Variants in NRXN1 observed in about 807,000 individuals in gnomAD.
NRXN1 encodes neurexin 1.
NRXN1 carries 39 observed loss-of-function variants against 150.9 expected under a neutral mutation model. That is an observed-to-expected ratio of 0.26 (90% CI 0.20 to 0.34). The LOEUF (loss-of-function observed/expected upper bound fraction) is 0.34. NRXN1 is among the 10% of genes least tolerant of loss of function. The pLI is 1.00. For missense variants in NRXN1, 1,815 were observed against 1,949.9 expected, an observed-to-expected ratio of 0.93 and a Z score of 1.30; for synonymous variants, 924 against 757.0, an observed-to-expected ratio of 1.22 and a Z score of -3.62.
Position 50,046,284 on chromosome 2 carries a change from C to T in NRXN1, c.4128+6987G>A, listed in dbSNP as rs1327985214. On this transcript the variant is annotated intron_variant, in intron 21 of 22. Coordinates refer to ENST00000401669, the MANE Select transcript of NRXN1 (RefSeq NM_001330078.2). ...CTCTCTTTGTGTTATTACCTGCCCT[C>T]CACTGCCGCTTGCTTCCCATACATA... Among the ~76,000 whole-genome samples the T allele has an allele frequency of 3.3e-5, 5 of 152,286 alleles. No homozygotes were observed. The East Asian group carries it at 5.8e-4, about 18-fold the overall frequency.
At chr2:50,123,262 A>G (rs891244847) in intron 18 of NRXN1, among the ~76,000 whole-genome samples, 2 of 152,210 alleles carry the variant, frequency 1.3e-5, no homozygotes, top group Non-Finnish European at 2.9e-5. Flanking sequence ...GGTGGCACTG[A>G]AAGAGTGGAC....
At chr2:50,112,020 GT>G (rs111618895) in intron 18 of NRXN1, among the ~76,000 whole-genome samples, 2,025 of 147,502 alleles carry the variant, frequency 0.014, 40 homozygotes, top group African/African-American at 0.045. Flanking sequence ...AATTGTCTGA[GT>G]TTTTTTTTTT....
chr2:50,619,970 T>A, intron 8 of NRXN1, 52 bp downstream of exon 8: 2 of 1,450,934 alleles, frequency 1.4e-6, no homozygotes, highest in Non-Finnish European at 1.8e-6. Flanking sequence ...ATGCTGGATC[T>A]GAAATGATGA....
chr2:49,967,875 A>G (rs1357806550), intron 21 of NRXN1, among the ~76,000 whole-genome samples: 1 of 152,064 alleles, frequency 6.6e-6, no homozygotes, highest in African/African-American at 2.4e-5. Flanking sequence ...GGTTTTGTAA[A>G]GCAATCAAGA....
At chr2:50,474,513 C>T (rs998348065) in intron 15 of NRXN1, among the ~76,000 whole-genome samples, 4 of 151,394 alleles carry the variant, frequency 2.6e-5, no homozygotes, top group African/African-American at 9.7e-5. Flanking sequence ...GTAATGCAAA[C>T]CTCTGTGCAT....
rs1220644149 is a variant in NRXN1, at chr2:50,881,968, C to A, written c.832+39901G>T. On this transcript the variant is annotated intron_variant, in intron 5 of 22. Transcript: ENST00000401669. ...AAATAGCAATTGAAGGGGGAGGGAG[C>A]GAAAATTCTGTCCTATGTTCAGTGT... 3.3e-5 allele frequency among the ~76,000 whole-genome samples: 5 copies of A among 151,306 alleles called. No individual in the cohort carries two copies. In the East Asian group the frequency reaches 9.8e-4, roughly 30 times the overall value.
chr2:50,222,105 G>A (rs1002235317), intron 18 of NRXN1, among the ~76,000 whole-genome samples: 1 of 151,954 alleles, frequency 6.6e-6, no homozygotes, highest in African/African-American at 2.4e-5. Context: ...TCTGAAATGA[G>A]TACTGCTACC....
At chr2:50,808,446 A>G (rs1420365605) in intron 5 of NRXN1, among the ~76,000 whole-genome samples, 1 of 152,048 alleles carries the variant, frequency 6.6e-6, no homozygotes, top group Non-Finnish European at 1.5e-5. Flanking sequence ...GGATTAAGAG[A>G]TATAGCTTTT....
chr2:50,795,893 G>A (rs1706755117), intron 5 of NRXN1, among the ~76,000 whole-genome samples: 2 of 151,588 alleles, frequency 1.3e-5, no homozygotes, highest in South Asian at 2.1e-4. Context: ...CTCACAATCA[G>A]TGCATAATAA....
intron 2 of NRXN1, among the ~76,000 whole-genome samples, chr2:50,927,818 T>C (rs2352541): frequency 6.6e-6 from 1 of 151,616 alleles, no homozygotes; most frequent in Non-Finnish European, 1.5e-5. Flanking sequence ...CGGGCAAATA[T>C]GGTTGTGAGG....
At chr2:50,359,369 T>G (rs1486040026) in intron 17 of NRXN1, among the ~76,000 whole-genome samples, 2 of 147,808 alleles carry the variant, frequency 1.4e-5, no homozygotes, top group African/African-American at 5.0e-5. Flanking sequence ...GAAAAAAAGG[T>G]AGACAAATTG....
chr2:51,001,126 T>C (rs535943520), intron 2 of NRXN1, among the ~76,000 whole-genome samples: 49 of 150,780 alleles, frequency 3.2e-4, no homozygotes, highest in African/African-American at 1.1e-3. Context: ...TAGCATATCT[T>C]CAGGCCTGAA....
intron 19 of NRXN1, among the ~76,000 whole-genome samples, chr2:50,069,819 A>C (rs1395929162): frequency 2.0e-5 from 3 of 149,668 alleles, no homozygotes; most frequent in African/African-American, 7.4e-5. Flanking sequence ...GAAGGCAGAC[A>C]TAGGTTAGAT....
intron 22 of NRXN1, among the ~76,000 whole-genome samples, chr2:49,941,349 T>C (rs1671938974): frequency 6.6e-6 from 1 of 150,846 alleles, no homozygotes; most frequent in Admixed American, 6.6e-5. Flanking sequence ...CAGAAGACGA[T>C]GGCAAAAGGG....
intron 18 of NRXN1, among the ~76,000 whole-genome samples, chr2:50,110,636 T>C (rs187152376): frequency 4.8e-4 from 73 of 152,198 alleles, no homozygotes; most frequent in African/African-American, 1.6e-3. Flanking sequence ...TGCGTGCAAA[T>C]TAATAAGTCC....
intron 2 of NRXN1, among the ~76,000 whole-genome samples, chr2:50,981,637 C>T (rs1696834414): frequency 6.6e-6 from 1 of 151,554 alleles, no homozygotes; most frequent in African/African-American, 2.4e-5. Flanking sequence ...AAGTTTTTAA[C>T]CAAAAGAACA....
At chr2:50,702,524 T>C (rs1322151203) in intron 5 of NRXN1, among the ~76,000 whole-genome samples, 1 of 150,924 alleles carries the variant, frequency 6.6e-6, no homozygotes, top group Non-Finnish European at 1.5e-5. Flanking sequence ...GAAAATTTTC[T>C]GTATGCACAT....
intron 5 of NRXN1, among the ~76,000 whole-genome samples, chr2:50,681,840 T>A (rs1690451910): frequency 6.6e-6 from 1 of 151,450 alleles, no homozygotes; most frequent in Non-Finnish European, 1.5e-5. Context: ...GATACAGTGA[T>A]AGTTACCTCA....
chr2:50,288,474 C>G (rs372148992), intron 17 of NRXN1, among the ~76,000 whole-genome samples: 12 of 152,104 alleles, frequency 7.9e-5, no homozygotes, highest in African/African-American at 2.9e-4. Flanking sequence ...GAAAGAATAC[C>G]TTTTGTATTA....
Sources: allele counts gnomAD v4.1 joint callset (sites outside exome capture counted in the v4.1 genomes callset), GRCh38; gene constraint gnomAD v4.1.1; transcripts MANE v1.5; gene names NCBI Gene and HGNC (gene_info 2026-07-23, HGNC 2026-07-21).